Variants in SEMA4D observed in about 807,000 individuals in gnomAD.
SEMA4D encodes the protein semaphorin 4D, also known as semaphorin-4D.
A neutral mutation model predicts 74.8 loss-of-function variants in SEMA4D; 22 were observed. That is an observed-to-expected ratio of 0.29 (90% CI 0.21 to 0.42). The LOEUF (loss-of-function observed/expected upper bound fraction) is 0.42, where lower values mean the gene tolerates loss of function less well. Among genes scored for constraint, SEMA4D ranks in the 10% least tolerant of loss-of-function variants. SEMA4D has a pLI of 1.00. For synonymous variants in SEMA4D, 445 were observed against 463.7 expected (o/e 0.96, Z 0.52); for missense variants, 937 against 1,118.4 (o/e 0.84, Z 2.31).
chr9:89,412,077 C>A (rs1364087963), intron 2 of SEMA4D, among the ~76,000 whole-genome samples: 1 of 152,086 alleles, frequency 6.6e-6, no homozygotes, highest in Non-Finnish European at 1.5e-5. Flanking sequence ...CTCCCCTGAC[C>A]CCCACACTCC....
chr9:89,461,589 C>T (rs911627948), intron 1 of SEMA4D, among the ~76,000 whole-genome samples: 13 of 152,128 alleles, frequency 8.5e-5, no homozygotes, highest in African/African-American at 3.1e-4. Flanking sequence ...ACATTTTTCT[C>T]CTATACTAGG....
chr9:89,483,945 A>G (rs562520891), intron 1 of SEMA4D, among the ~76,000 whole-genome samples: 2 of 152,358 alleles, frequency 1.3e-5, no homozygotes, highest in Non-Finnish European at 2.9e-5. Flanking sequence ...TGAATTCCAC[A>G]TGCATCTCAG....
downstream of SEMA4D, chr9:89,376,708 C>A: frequency 7.4e-7 from 1 of 1,354,324 alleles, no homozygotes; most frequent in African/African-American, 1.5e-5. Flanking sequence ...CCGAGGGACG[C>A]AGCCAGGACA....
At chr9:89,426,636 G>T (rs1027710012) in intron 2 of SEMA4D, among the ~76,000 whole-genome samples, 1 of 152,128 alleles carries the variant, frequency 6.6e-6, no homozygotes, top group Admixed American at 6.5e-5. Context: ...GACCTTAAAT[G>T]CTGTCTTACC....
intron 6 of SEMA4D, among the ~76,000 whole-genome samples, chr9:89,395,810 C>T (rs1303252404): frequency 6.6e-6 from 1 of 152,158 alleles, no homozygotes; most frequent in Non-Finnish European, 1.5e-5. Flanking sequence ...CATACGTTGT[C>T]TTGTCATTTA....
At chr9:89,431,387 G>A (rs1399512660) in intron 2 of SEMA4D, among the ~76,000 whole-genome samples, 1 of 152,224 alleles carries the variant, frequency 6.6e-6, no homozygotes, top group Non-Finnish European at 1.5e-5. Flanking sequence ...CTGGGAGGTG[G>A]AATTTTAGGG....
intron 1 of SEMA4D, among the ~76,000 whole-genome samples, chr9:89,464,121 C>T (rs1247978235): frequency 6.6e-6 from 1 of 152,122 alleles, no homozygotes; most frequent in Non-Finnish European, 1.5e-5. Flanking sequence ...CACCTTCCCC[C>T]ACCCCCAAGA....
At chr9:89,476,960 A>T (rs1004864917) in intron 1 of SEMA4D, among the ~76,000 whole-genome samples, 3 of 152,188 alleles carry the variant, frequency 2.0e-5, no homozygotes, top group Non-Finnish European at 4.4e-5. Context: ...CCCCAGAGAA[A>T]CACACCACAT....
chr9:89,461,700 C>CTCTTTTTTTTTTTTTTTTTTTTTTTT (rs71281350), intron 1 of SEMA4D, among the ~76,000 whole-genome samples: 2 of 103,646 alleles, frequency 1.9e-5, no homozygotes, highest in African/African-American at 6.9e-5. Flanking sequence ...TCTTTTTTCT[C>CTCTTTTTTTTTTTTTTTTTTTTTTTT]TTTTTTTTTT....
In SEMA4D at chr9:89,474,019, C is replaced by T. The variant is rs1200735271; in HGVS notation, c.-309-18066G>A. 7.2e-5 allele frequency among the ~76,000 whole-genome samples: 11 copies of T among 152,250 alleles called. No homozygotes were observed. In the East Asian group the frequency reaches 1.2e-3, roughly 16 times the overall value. On this transcript the variant is annotated intron_variant, in intron 1 of 15. Coordinates refer to ENST00000422704, the MANE Select transcript of SEMA4D (RefSeq NM_001371194.2). ...CCAGAGAAGTAGGACAGAGAGAAGA[C>T]GGGTACCATGCCCACAGCAGCACTC...
intron 2 of SEMA4D, among the ~76,000 whole-genome samples, chr9:89,416,860 A>G (rs766639835): frequency 1.3e-5 from 2 of 152,274 alleles, no homozygotes; most frequent in Non-Finnish European, 2.9e-5. Flanking sequence ...GGAGCTGTGC[A>G]TAATGCGATT....
intron 1 of SEMA4D, among the ~76,000 whole-genome samples, chr9:89,485,788 C>CAAAAAAAAAAAAAAAAAA (rs56056536): frequency 1.3e-5 from 1 of 76,838 alleles, no homozygotes; most frequent in East Asian, 3.9e-4. Flanking sequence ...AACTCCATCT[C>CAAAAAAAAAAAAAAAAAA]AAAAAAAAAA....
intron 1 of SEMA4D, among the ~76,000 whole-genome samples, chr9:89,468,691 TC>T (rs565074549): frequency 4.6e-5 from 7 of 152,086 alleles, no homozygotes; most frequent in Admixed American, 2.0e-4. Flanking sequence ...GAAAATCTCA[TC>T]CCCCCTCTAA....
rs1843153299 is a variant in SEMA4D, at chr9:89,405,547, C to T, written c.-91G>A. 1 of 1,550,080 alleles carries T rather than the reference C, an allele frequency of 6.5e-7. No individual in the cohort carries two copies. Among genetic ancestry groups the T allele is most frequent in the African/African-American group, 1.4e-5 (1 of 73,534 alleles). On this transcript the variant is annotated 5_prime_UTR_variant, in exon 3 of 16. Transcript: ENST00000422704. The stretch of plus-strand genomic sequence containing the variant: ...TGCTATTGCAGATGCGGCTCAGCGC[C>T]CCAGGACCAGGGCCAGCAGCACAGC...
At chr9:89,423,439 C>T (rs1847399470) in intron 2 of SEMA4D, among the ~76,000 whole-genome samples, 1 of 152,150 alleles carries the variant, frequency 6.6e-6, no homozygotes, top group African/African-American at 2.4e-5. Flanking sequence ...ATCCGTCCAC[C>T]TCGGCCTCTC....
At chr9:89,472,843 C>T (rs1264589691) in intron 1 of SEMA4D, among the ~76,000 whole-genome samples, 2 of 152,140 alleles carry the variant, frequency 1.3e-5, no homozygotes, top group Admixed American at 1.3e-4. Context: ...TCTGTAATCC[C>T]AGCATTTTGG....
chr9:89,437,809 G>A (rs1454800159), intron 2 of SEMA4D, among the ~76,000 whole-genome samples: 1 of 152,238 alleles, frequency 6.6e-6, no homozygotes, highest in Non-Finnish European at 1.5e-5. Flanking sequence ...TATAAAAGAT[G>A]TGGTGCTCTG....
intron 2 of SEMA4D, among the ~76,000 whole-genome samples, chr9:89,406,170 GTGCACACACA>G (rs1303233030): frequency 1.3e-5 from 2 of 152,210 alleles, no homozygotes; most frequent in Non-Finnish European, 2.9e-5. Flanking sequence ...GTACATGTGA[GTGCACACACA>G]TGCACACACA....
chr9:89,387,602 C>T lies in SEMA4D; in HGVS notation c.1114G>A (p.Asp372Asn), dbSNP rs929801490. Residue 372 changes from aspartate to asparagine, a missense_variant, in exon 12 of 16, where the codon GAC becomes AAC. Coordinates refer to ENST00000422704, the MANE Select transcript of SEMA4D (RefSeq NM_001371194.2). ...VPKPRPGACI[D>N]SEARAANYTS... The stretch of plus-strand genomic sequence containing the variant: ...TAGTTGGCGGCCCGTGCCTCGCTGT[C>T]GATGCACTGCAGGGAGAAAATCCCC... 2.7e-5 allele frequency: 43 copies of T among 1,613,788 alleles called. No individual in the cohort carries two copies. Among genetic ancestry groups the T allele is most frequent in the Non-Finnish European group, 3.5e-5 (41 of 1,179,992 alleles).
Sources: gnomAD v4.1 joint callset for allele counts (sites outside exome capture counted in the v4.1 genomes callset) on GRCh38, gnomAD v4.1.1 for gene constraint, MANE v1.5 for transcripts, NCBI Gene and HGNC (gene_info 2026-07-23, HGNC 2026-07-21) for gene names.